The following ARHGEF18 variants were observed in gnomAD, a reference collection of about 807,000 sequenced individuals.
The protein encoded by ARHGEF18 is rho guanine nucleotide exchange factor 18.
Under a neutral mutation model 155.7 loss-of-function variants are expected in ARHGEF18, and 93 were observed. The observed-to-expected ratio is 0.60, with a 90% CI of 0.50 to 0.71. The LOEUF (loss-of-function observed/expected upper bound fraction) is 0.71, where lower values mean the gene tolerates loss of function less well. Among genes scored for constraint, ARHGEF18 ranks in the 30% least tolerant of loss-of-function variants. The pLI, the probability that ARHGEF18 is intolerant of heterozygous loss-of-function variation, is 0.00. For missense variants in ARHGEF18, 1,593 were observed against 1,816.1 expected (o/e 0.88, Z 2.23); for synonymous variants, 742 against 753.1 (o/e 0.99, Z 0.24).
intron 2 of ARHGEF18, among the ~76,000 whole-genome samples, chr19:7,368,500 C>T (rs1198944189): frequency 6.6e-6 from 1 of 152,144 alleles, no homozygotes; most frequent in Admixed American, 6.5e-5. Context: ...GAGACACCCC[C>T]TCTCTCCCTC....
Position 7,380,889 on chromosome 19 carries a change from C to G in ARHGEF18, c.645-28C>G, listed in dbSNP as rs1034518103. The G allele has an allele frequency of 2.4e-6, 3 of 1,230,322 alleles. No individual in the cohort carries two copies. In the African/African-American group the frequency reaches 4.7e-5, roughly 19 times the overall value. 76.2% of individuals were successfully genotyped at this position (1,230,322 alleles called of 1,614,324 possible). A position where few individuals can be genotyped will look rare whatever the true frequency, so the allele number is the denominator to read the frequency against. ...TGAGTGGGAGAAGAGGCTGCCGACC[C>G]AGGTATCTGTCCCCTCTGATCCTGC... is the stretch of plus-strand genomic sequence containing the variant. On this transcript the variant is annotated intron_variant, in intron 7 of 28. Coordinates refer to ENST00000668164, the MANE Select transcript of ARHGEF18 (RefSeq NM_001367823.1).
chr19:7,426,956 T>A (rs1973703138), intron 10 of ARHGEF18, among the ~76,000 whole-genome samples: 1 of 152,190 alleles, frequency 6.6e-6, no homozygotes, highest in Admixed American at 6.5e-5. Context: ...CAGAGCCTTC[T>A]GAGTCTCAGA....
At chr19:7,355,546 G>GC in intron 1 of ARHGEF18, 1 of 890,546 alleles carries the variant, frequency 1.1e-6, no homozygotes, top group East Asian at 1.2e-4. Context: ...GGCAGTCTCC[G>GC]CCCCTCTTAC....
chr19:7,423,005 T>C (rs11260073), intron 10 of ARHGEF18, among the ~76,000 whole-genome samples: 81,122 of 151,870 alleles, frequency 0.53, 22,030 homozygotes, highest in Middle Eastern at 0.74. Context: ...AGTCATAAGC[T>C]ACCCCACCAG....
intron 10 of ARHGEF18, among the ~76,000 whole-genome samples, chr19:7,398,888 G>A (rs1052222264): frequency 2.6e-5 from 4 of 152,140 alleles, no homozygotes; most frequent in African/African-American, 9.7e-5. Context: ...GCCCTTTGTG[G>A]GCCAGGGCCG....
intron 1 of ARHGEF18, among the ~76,000 whole-genome samples, chr19:7,354,415 C>A (rs74652037): frequency 6.6e-6 from 1 of 152,060 alleles, no homozygotes; most frequent in Non-Finnish European, 1.5e-5. Flanking sequence ...GTAATGTAAA[C>A]AATTGGGAGA....
intron 1 of ARHGEF18, among the ~76,000 whole-genome samples, chr19:7,357,339 T>C (rs1159268758): frequency 6.6e-6 from 1 of 152,228 alleles, no homozygotes; most frequent in South Asian, 2.1e-4. Flanking sequence ...TCTGTCCCTC[T>C]TGTGGCTGCT....
chr19:7,404,177 A>G (rs1030069418), intron 10 of ARHGEF18, among the ~76,000 whole-genome samples: 2 of 152,018 alleles, frequency 1.3e-5, no homozygotes, highest in Non-Finnish European at 2.9e-5. Flanking sequence ...AGAAATGTGA[A>G]GGAATAGTAA....
At chr19:7,376,451 G>A (rs945660590) in intron 4 of ARHGEF18, among the ~76,000 whole-genome samples, 192 bp from the exon 5 acceptor site, 1 of 152,108 alleles carries the variant, frequency 6.6e-6, no homozygotes, top group East Asian at 1.9e-4. Context: ...CTACAGCCCT[G>A]TGGCTGGGGA....
chr19:7,429,023 CG>C (rs1292268228), intron 10 of ARHGEF18, among the ~76,000 whole-genome samples: 1 of 152,232 alleles, frequency 6.6e-6, no homozygotes, highest in African/African-American at 2.4e-5. Flanking sequence ...GCCTAGGCCA[CG>C]GGCCCGAGGG....
chr19:7,473,574 A>G (rs376086544), downstream of ARHGEF18, among the ~76,000 whole-genome samples: 48 of 151,666 alleles, frequency 3.2e-4, no homozygotes, highest in South Asian at 1.5e-3. Context: ...CACTTTGGGA[A>G]GCCAAGGTGG....
At chr19:7,378,678 T>G (rs8108266) in intron 6 of ARHGEF18, among the ~76,000 whole-genome samples, 1 of 140,262 alleles carries the variant, frequency 7.1e-6, no homozygotes. Flanking sequence ...TGGGAGACAA[T>G]TGTGGCTTTT....
At chr19:7,430,925 GGGAGGC>G (rs766488098) in intron 10 of ARHGEF18, among the ~76,000 whole-genome samples, 1 of 152,114 alleles carries the variant, frequency 6.6e-6, no homozygotes, top group Non-Finnish European at 1.5e-5. Context: ...CCAGCACTTT[GGGAGGC>G]CAAGGCAAAA....
chr19:7,406,734 C>A (rs932584247), intron 10 of ARHGEF18, among the ~76,000 whole-genome samples: 2 of 152,068 alleles, frequency 1.3e-5, no homozygotes, highest in African/African-American at 4.8e-5. Context: ...ATTTTCCTAG[C>A]GTAGGAGCTG....
At chr19:7,389,317 ATTTTTTTTTT>A (rs1203819709) in intron 10 of ARHGEF18, among the ~76,000 whole-genome samples, 4 of 112,980 alleles carry the variant, frequency 3.5e-5, no homozygotes, top group African/African-American at 1.1e-4. Context: ...TACCAGGATA[ATTTTTTTTTT>A]TTTTTTTTTT....
At chr19:7,461,527 G>A (rs760952263) in intron 20 of ARHGEF18, among the ~76,000 whole-genome samples, 1 of 152,136 alleles carries the variant, frequency 6.6e-6, no homozygotes, top group Admixed American at 6.6e-5. Flanking sequence ...TCCAGCCTGG[G>A]CGACAGAGCG....
In ARHGEF18 at chr19:7,444,088, T is replaced by A; in HGVS notation, c.1361-116T>A. On this transcript the variant is annotated intron_variant, in intron 13 of 28. Transcript: ENST00000668164. The surrounding 1 kb of genome is among the most constrained non-coding windows in gnomAD (Gnocchi z 4.7). ...AGAAAGATCCCAAAGGCACAAGGTC[T>A]TAGGCAGAGAACTCTCAGAAGCCAG... The A allele has an allele frequency of 1.5e-6, 2 of 1,369,220 alleles. No individual in the cohort carries two copies. Among genetic ancestry groups the A allele is most frequent in the Non-Finnish European group, 2.0e-6 (2 of 995,524 alleles). The allele number at this position is 1,369,220 out of a possible 1,614,324, so 84.8% of individuals were successfully genotyped here.
chr19:7,432,942 T>C lies in ARHGEF18; in HGVS notation c.968-7402T>C, dbSNP rs550350980. 2.6e-5 allele frequency among the ~76,000 whole-genome samples: 4 copies of C among 152,098 alleles called. No homozygotes were observed. The East Asian group carries it at 7.8e-4, about 29-fold the overall frequency. On this transcript the variant is annotated intron_variant, in intron 10 of 28. Transcript: ENST00000668164. ...TGGGAAGTCGAAGCGGGAGGATCAC[T>C]TAAGGCTAGGTATTCAAGACCAGCC...
chr19:7,383,111 G>C lies in ARHGEF18; in HGVS notation c.875G>C (p.Arg292Thr). The change falls in exon 10 of 29, where the codon AGG (arginine) becomes ACG (threonine). Residue 292 changes from arginine (R) to threonine (T), a missense_variant. Transcript: ENST00000668164. ...GACAAGGGCCAGGATGCACGAGAGA[G>C]GCGGGAGTGTGTCAATGGGCACCAG... ...LKDKGQDARE[R>T]RECVNGHQLL... is the part of the protein sequence containing the mutation. The C allele has an allele frequency of 8.1e-7, 1 of 1,232,320 alleles. No homozygotes were observed. Among genetic ancestry groups the C allele is most frequent in the Non-Finnish European group, 1.0e-6 (1 of 988,076 alleles). 76.3% of individuals were successfully genotyped at this position (1,232,320 alleles called of 1,614,324 possible). A position where few individuals can be genotyped will look rare whatever the true frequency, so the allele number is the denominator to read the frequency against.
Sources: allele counts gnomAD v4.1 joint callset (sites outside exome capture counted in the v4.1 genomes callset), GRCh38; gene constraint gnomAD v4.1.1; non-coding constraint Gnocchi (gnomAD v3.1); transcripts MANE v1.5; gene names NCBI Gene and HGNC (gene_info 2026-07-23, HGNC 2026-07-21).